The following NCKAP1 variants were observed in gnomAD, a reference collection of about 807,000 sequenced individuals.
The protein encoded by NCKAP1 is nck-associated protein 1.
A neutral mutation model predicts 151.2 loss-of-function variants in NCKAP1; 21 were observed. The observed-to-expected ratio is 0.14, with a 90% confidence interval of 0.10 to 0.20. The LOEUF is 0.20. Ranked by LOEUF, NCKAP1 falls within the 10% of genes least tolerant of loss-of-function variation. The pLI is 1.00. For synonymous variants in NCKAP1, 484 were observed against 451.8 expected (o/e 1.07, Z -0.90); for missense variants, 933 against 1,352.1 (o/e 0.69, Z 4.86).
At chr2:182,939,826 T>C (rs1432292123) in intron 24 of NCKAP1, among the ~76,000 whole-genome samples, 1 of 152,200 alleles carries the variant, frequency 6.6e-6, no homozygotes, top group Admixed American at 6.5e-5. Context: ...TCGTTTCTTT[T>C]TCCAAATTAT....
Position 182,925,773 on chromosome 2 carries a change from A to G in NCKAP1, c.3316T>C (p.Cys1106Arg). The G allele has an allele frequency of 6.3e-7, 1 of 1,591,570 alleles. No individual in the cohort carries two copies. The highest frequency in any genetic ancestry group is 8.5e-7 in the Non-Finnish European group (1 of 1,170,084). Residue 1106 changes from cysteine (C) to arginine (R), a missense_variant, in exon 31 of 31, where the codon TGT (cysteine) becomes CGT (arginine). Cys to Arg is a radical substitution (Grantham distance 180). Around this residue, in one of 2 missense-constraint regions of NCKAP1, gnomAD observed 326 missense variants for 557.1 expected, o/e 0.59. Transcript: ENST00000361354. ...PFLTMDLLES[C>R]FPYVLLRNAY... ...TTTCTCAGCAAGACATAAGGAAAAC[A>G]AGATTCCAAAAGATCCATTGTAAGG...
intron 23 of NCKAP1, among the ~76,000 whole-genome samples, chr2:182,951,018 A>AG (rs958352979): frequency 2.6e-5 from 4 of 151,874 alleles, no homozygotes; most frequent in East Asian, 2.0e-4. Context: ...TTTTCAGTAG[A>AG]GGGGGGATTT....
intron 1 of NCKAP1, among the ~76,000 whole-genome samples, chr2:183,037,549 A>T (rs1264920684): frequency 6.6e-6 from 1 of 152,202 alleles, no homozygotes; most frequent in Non-Finnish European, 1.5e-5. Context: ...AAAAATGGGG[A>T]TGTGGGGTGT....
chr2:182,949,243 G>C (rs1457011055), intron 23 of NCKAP1, among the ~76,000 whole-genome samples: 2 of 152,164 alleles, frequency 1.3e-5, no homozygotes, highest in African/African-American at 4.8e-5. Flanking sequence ...TCCTTCATCA[G>C]ATAGGAGTAG....
intron 1 of NCKAP1, 33 bp downstream of exon 1, chr2:183,037,959 G>A: frequency 1.3e-6 from 2 of 1,523,988 alleles, no homozygotes; most frequent in South Asian, 1.2e-5. Flanking sequence ...GGGCCCGCCC[G>A]CCTCCGCCGC....
intron 1 of NCKAP1, among the ~76,000 whole-genome samples, chr2:183,037,676 G>A (rs1443646845): frequency 6.6e-6 from 1 of 152,126 alleles, no homozygotes; most frequent in Non-Finnish European, 1.5e-5. Context: ...TCATGGGGGC[G>A]GGGGCGCCGA....
intron 29 of NCKAP1, 54 bp from the exon 30 acceptor site, chr2:182,926,959 T>A: frequency 1.6e-6 from 2 of 1,231,864 alleles, no homozygotes; most frequent in Non-Finnish European, 2.3e-6. Context: ...GTTCATCGGT[T>A]ACTTATTTTA....
chr2:182,933,389 ATTT>A (rs35213776), intron 26 of NCKAP1, among the ~76,000 whole-genome samples: 1 of 124,030 alleles, frequency 8.1e-6, no homozygotes, highest in Non-Finnish European at 1.6e-5. Context: ...GTGGCACCAC[ATTT>A]TTTTTTTTTT....
In NCKAP1 at chr2:182,959,667, A is replaced by G. The variant is rs1697400679; in HGVS notation, c.1882-2071T>C. Among the ~76,000 whole-genome samples, 3 of 152,322 alleles carry G rather than the reference A, an allele frequency of 2.0e-5. No individual in the cohort carries two copies. In the South Asian group the frequency reaches 6.2e-4, roughly 32 times the overall value. On this transcript the variant is annotated intron_variant, in intron 18 of 30. Coordinates refer to ENST00000361354, the MANE Select transcript of NCKAP1 (RefSeq NM_013436.5). Reference sequence around the variant, plus strand: ...GCAAAAACTGGAAGCACTCCCTTTGAAAACCAGCACAAGACAGGGATGCCC... The same window carrying G: ...GCAAAAACTGGAAGCACTCCCTTTGGAAACCAGCACAAGACAGGGATGCCC...
chr2:182,963,316 A>G (rs1697494982), intron 17 of NCKAP1, among the ~76,000 whole-genome samples: 1 of 152,108 alleles, frequency 6.6e-6, no homozygotes, highest in Non-Finnish European at 1.5e-5. Flanking sequence ...TTCTGCTATT[A>G]ATTCTTCCTG....
chr2:183,037,771 G>A (rs1699132031), intron 1 of NCKAP1, among the ~76,000 whole-genome samples: 1 of 151,972 alleles, frequency 6.6e-6, no homozygotes, highest in African/African-American at 2.4e-5. Flanking sequence ...GCCGGGAAAT[G>A]GCTTCTCTGC....
rs372871579 is a variant in NCKAP1, at chr2:183,001,854, T to C, written c.603+99A>G. The C allele has an allele frequency of 3.7e-4, 347 of 946,934 alleles. 6 individuals carry two copies. The South Asian group carries it at 3.8e-3, about 10-fold the overall frequency. The allele number at this position is 946,934 out of a possible 1,614,324, so 58.7% of individuals were successfully genotyped here. A position where few individuals can be genotyped will look rare whatever the true frequency, so the allele number is the denominator to read the frequency against. ...CATAACTATTACTTATATCCCATTA[T>C]AGTATTTTTCAAAAACAAGATTATC... On this transcript the variant is annotated intron_variant, in intron 6 of 30. Transcript: ENST00000361354.
At chr2:182,956,648 AAATT>A (rs1241814121) in intron 19 of NCKAP1, 55 bp from the exon 20 acceptor site, 1 of 1,513,888 alleles carries the variant, frequency 6.6e-7, no homozygotes, top group Non-Finnish European at 8.9e-7. Context: ...AGGCAATACA[AAATT>A]AATTTTATAA....
At chr2:182,971,392 TCAAAAAAA>T (rs1450032322) in intron 15 of NCKAP1, among the ~76,000 whole-genome samples, 2,748 of 63,568 alleles carry the variant, frequency 0.043, 81 homozygotes, top group African/African-American at 0.14. Flanking sequence ...AGACTCCGTC[TCAAAAAAA>T]AAAAAAAAAA....
intron 24 of NCKAP1, among the ~76,000 whole-genome samples, chr2:182,936,425 G>C (rs1696877015): frequency 1.3e-5 from 2 of 152,132 alleles, no homozygotes; most frequent in Non-Finnish European, 2.9e-5. Flanking sequence ...ACCTCGAATA[G>C]CAGACAGTCT....
At chr2:182,972,316 A>G (rs1697717081) in intron 15 of NCKAP1, among the ~76,000 whole-genome samples, 1 of 152,050 alleles carries the variant, frequency 6.6e-6, no homozygotes, top group Non-Finnish European at 1.5e-5. Flanking sequence ...CAGGTGGCCA[A>G]CAGATATATT....
intron 27 of NCKAP1, 138 bp downstream of exon 27, chr2:182,930,557 T>C (rs548831698): frequency 7.1e-5 from 48 of 678,216 alleles, no homozygotes; most frequent in South Asian, 1.2e-4. Flanking sequence ...ATAGTCCAAG[T>C]ACCAGCAATA....
At chr2:182,964,092 AT>A (rs1376928177) in intron 17 of NCKAP1, among the ~76,000 whole-genome samples, 3 of 152,170 alleles carry the variant, frequency 2.0e-5, no homozygotes, top group Non-Finnish European at 4.4e-5. Flanking sequence ...CACATAGAAA[AT>A]ATTTCTTCTT....
Position 182,917,201 on chromosome 2 carries a change from G to A in NCKAP1, c.*8501C>T, listed in dbSNP as rs1426386588. 1 of 152,168 alleles carries A rather than the reference G, an allele frequency of 6.6e-6. No homozygotes were observed. The highest frequency in any genetic ancestry group is 1.5e-5 in the Non-Finnish European group (1 of 68,034). 9.4% of individuals were successfully genotyped at this position (152,168 alleles called of 1,614,324 possible). A position where few individuals can be genotyped will look rare whatever the true frequency, so the allele number is the denominator to read the frequency against. On this transcript the variant is annotated 3_prime_UTR_variant, in exon 31 of 31. Coordinates refer to ENST00000361354, the MANE Select transcript of NCKAP1 (RefSeq NM_013436.5). ...CACTTAGGGAAACAAACTTGGAGAA[G>A]TTAAGTAATTTGTCCATAAGTGACA...
Sources: gnomAD v4.1 joint callset for allele counts (sites outside exome capture counted in the v4.1 genomes callset) on GRCh38, gnomAD v4.1.1 for gene constraint, gnomAD v4.1.1 regional missense constraint, MANE v1.5 for transcripts, NCBI Gene and HGNC (gene_info 2026-07-23, HGNC 2026-07-21) for gene names.